WWOX: variants seen among roughly 807,000 people sequenced by gnomAD.
WWOX encodes the protein WW domain-containing oxidoreductase.
Under a neutral mutation model 46.2 loss-of-function variants are expected in WWOX, and 69 were observed. That is an observed-to-expected ratio of 1.49 (90% confidence interval 1.23 to 1.82). WWOX has a LOEUF of 1.82. Ranked by LOEUF, WWOX falls within the 40% of genes most tolerant of loss-of-function variation. WWOX has a pLI of 0.00. For missense variants in WWOX, 919 were observed against 542.6 expected (o/e 1.69, Z -6.89); for synonymous variants, 359 against 202.6 (o/e 1.77, Z -6.56).
chr16:79,032,009 G>A lies in WWOX; in HGVS notation c.1057-179599G>A, dbSNP rs1290177409. ...TGCTTTTTATTTTGGGCTGTTATTA[G>A]GTAGACTCTCCTGGGACATTCTACA... On this transcript the variant is annotated intron_variant, in intron 8 of 8. Transcript: ENST00000566780. Among the ~76,000 whole-genome samples the A allele has an allele frequency of 3.5e-5, 5 of 143,140 alleles. No homozygotes were observed. In the East Asian group the frequency reaches 8.0e-4, roughly 23 times the overall value. 93.9% of individuals were successfully genotyped at this position (143,140 alleles called of 152,430 possible). A position where few individuals can be genotyped will look rare whatever the true frequency, so the allele number is the denominator to read the frequency against.
intron 8 of WWOX, among the ~76,000 whole-genome samples, chr16:78,439,491 T>G (rs2083401287): frequency 6.6e-6 from 1 of 152,158 alleles, no homozygotes; most frequent in African/African-American, 2.4e-5. Context: ...CTTACGTCAT[T>G]ATGTCCAAAG....
At chr16:78,501,324 T>C (rs937459922) in intron 8 of WWOX, among the ~76,000 whole-genome samples, 1 of 151,754 alleles carries the variant, frequency 6.6e-6, no homozygotes, top group African/African-American at 2.4e-5. Context: ...TTGGCATTCT[T>C]TATGAAAATC....
At chr16:78,915,004 G>A (rs191701455) in intron 8 of WWOX, among the ~76,000 whole-genome samples, 1 of 152,128 alleles carries the variant, frequency 6.6e-6, no homozygotes, top group Admixed American at 6.5e-5. Flanking sequence ...GTAAGATAGT[G>A]GTTCACACCA....
intron 4 of WWOX, among the ~76,000 whole-genome samples, chr16:78,152,260 T>C (rs963427868): frequency 5.3e-5 from 8 of 152,216 alleles, no homozygotes; most frequent in African/African-American, 1.9e-4. Flanking sequence ...TCCTCATTCT[T>C]TTTAGGTGTA....
intron 8 of WWOX, among the ~76,000 whole-genome samples, chr16:78,699,678 CT>C: frequency 6.6e-6 from 1 of 152,320 alleles, no homozygotes; most frequent in African/African-American, 2.4e-5. Context: ...CAGCTATTCC[CT>C]CTTCTGCCCG....
chr16:79,057,422 A>C (rs1466228477), intron 8 of WWOX, among the ~76,000 whole-genome samples: 1 of 152,228 alleles, frequency 6.6e-6, no homozygotes, highest in Non-Finnish European at 1.5e-5. Flanking sequence ...TTTGCTAAGC[A>C]TTAGTTTCTT....
intron 8 of WWOX, among the ~76,000 whole-genome samples, chr16:78,741,099 G>C (rs373119227): frequency 2.0e-5 from 3 of 152,128 alleles, no homozygotes; most frequent in African/African-American, 7.2e-5. Context: ...CTGAAACACA[G>C]TCATGCCTGT....
intron 8 of WWOX, among the ~76,000 whole-genome samples, chr16:79,084,449 C>G (rs548196155): frequency 6.6e-6 from 1 of 152,158 alleles, no homozygotes; most frequent in African/African-American, 2.4e-5. Flanking sequence ...GAGATGGAGT[C>G]TCGCTCTGTT....
Position 78,103,669 on chromosome 16 carries a change from C to G in WWOX, c.107+3784C>G, listed in dbSNP as rs114863476. ...CTCCAACCCCTTTTCATTCCTGACT[C>G]TGGAAGTGACACTTGTTTTTCTCTT... On this transcript the variant is annotated intron_variant, in intron 1 of 8. Coordinates refer to ENST00000566780, the MANE Select transcript of WWOX (RefSeq NM_016373.4). 6.5e-3 allele frequency among the ~76,000 whole-genome samples: 982 copies of G among 152,236 alleles called. 7 individuals are homozygous for G. The highest frequency in any genetic ancestry group is 0.022 in the African/African-American group (897 of 41,534).
At position 78,701,020 on chromosome 16, in the gene WWOX, G is replaced by A. The variant is rs139903337; in HGVS notation, c.1056+268268G>A. ...CTAGGCTGCCTAGGTTTGAATCCAGGGTCTGCCAGATGTAGATGTGTGATC... is the reference window on the plus strand; with the variant it reads ...CTAGGCTGCCTAGGTTTGAATCCAGAGTCTGCCAGATGTAGATGTGTGATC... On this transcript the variant is annotated intron_variant, in intron 8 of 8. Transcript: ENST00000566780. Among the ~76,000 whole-genome samples, 3 of 152,044 alleles carry A rather than the reference G, an allele frequency of 2.0e-5. No homozygotes were observed. The East Asian group carries it at 5.8e-4, about 29-fold the overall frequency.
intron 8 of WWOX, among the ~76,000 whole-genome samples, chr16:79,193,131 C>G (rs1015172698): frequency 6.6e-6 from 1 of 152,200 alleles, no homozygotes; most frequent in Non-Finnish European, 1.5e-5. Context: ...ACTTCATTCT[C>G]TTGTGGGTGC....
At chr16:79,030,037 G>A (rs2047722442) in intron 8 of WWOX, among the ~76,000 whole-genome samples, 1 of 152,072 alleles carries the variant, frequency 6.6e-6, no homozygotes, top group South Asian at 2.1e-4. Flanking sequence ...TCCAAATAAA[G>A]AATGGTTTCT....
At chr16:78,448,826 C>T (rs545156581) in intron 8 of WWOX, among the ~76,000 whole-genome samples, 3 of 152,216 alleles carry the variant, frequency 2.0e-5, no homozygotes, top group South Asian at 4.2e-4. Flanking sequence ...TGCTTCTGAT[C>T]ATTGTCATGG....
At chr16:78,936,530 G>A (rs1256930017) in intron 8 of WWOX, among the ~76,000 whole-genome samples, 1 of 152,130 alleles carries the variant, frequency 6.6e-6, no homozygotes, top group South Asian at 2.1e-4. Flanking sequence ...CATGCCAGTG[G>A]TAAAGTTAAG....
intron 8 of WWOX, among the ~76,000 whole-genome samples, chr16:79,202,032 G>C (rs79548139): frequency 6.6e-6 from 1 of 151,598 alleles, no homozygotes; most frequent in Admixed American, 6.6e-5. Flanking sequence ...ACTATGGCCT[G>C]CCGGCTAAAT....
intron 8 of WWOX, among the ~76,000 whole-genome samples, chr16:78,570,089 C>T (rs1597283503): frequency 6.6e-6 from 1 of 152,248 alleles, no homozygotes; most frequent in East Asian, 1.9e-4. Context: ...GTTCATATAA[C>T]TTCTTTATTG....
chr16:79,143,706 T>C (rs2050133010), intron 8 of WWOX, among the ~76,000 whole-genome samples: 1 of 152,162 alleles, frequency 6.6e-6, no homozygotes, highest in Non-Finnish European at 1.5e-5. Context: ...ATTTGAACCT[T>C]ATAGCAGCCC....
At chr16:78,606,283 T>A (rs1011796527) in intron 8 of WWOX, among the ~76,000 whole-genome samples, 2 of 152,204 alleles carry the variant, frequency 1.3e-5, no homozygotes, top group African/African-American at 4.8e-5. Context: ...TTAAAAAGTT[T>A]AGCACATTTA....
At chr16:78,997,948 C>T (rs182988969) in intron 8 of WWOX, among the ~76,000 whole-genome samples, 1 of 152,112 alleles carries the variant, frequency 6.6e-6, no homozygotes, top group Non-Finnish European at 1.5e-5. Flanking sequence ...GCGATCTCAG[C>T]TCACAGCAAT....
Sources: gnomAD v4.1 joint callset for allele counts (sites outside exome capture counted in the v4.1 genomes callset) on GRCh38, gnomAD v4.1.1 for gene constraint, MANE v1.5 for transcripts, NCBI Gene and HGNC (gene_info 2026-07-23, HGNC 2026-07-21) for gene names.